Variants in KALRN observed in about 807,000 individuals in gnomAD.
KALRN encodes the protein kalirin.
A neutral mutation model predicts 353.7 loss-of-function variants in KALRN; 70 were observed. The observed-to-expected ratio is 0.20, with a 90% CI of 0.16 to 0.24. The LOEUF is 0.24. Ranked by LOEUF, KALRN falls within the 10% of genes least tolerant of loss-of-function variation. The pLI is 1.00. For synonymous variants in KALRN, 1,391 were observed against 1,434.8 expected (o/e 0.97, Z 0.69); for missense variants, 2,791 against 3,756.7 (o/e 0.74, Z 6.72).
chr3:124,152,562 C>T, intron 1 of KALRN: 3 of 620,334 alleles, frequency 4.8e-6, no homozygotes, highest in Non-Finnish European at 8.4e-6. Context: ...CTTTTCTTTT[C>T]TTTTCTTTTC....
At chr3:124,684,767 G>A (rs2061484849) in intron 51 of KALRN, among the ~76,000 whole-genome samples, 1 of 152,234 alleles carries the variant, frequency 6.6e-6, no homozygotes, top group African/African-American at 2.4e-5. Flanking sequence ...TTCAGGGGGT[G>A]TGGCGGGAAT....
At chr3:124,634,101 G>C (rs912149121) in intron 36 of KALRN, 148 bp downstream of exon 36, 3 of 646,926 alleles carry the variant, frequency 4.6e-6, no homozygotes, top group Non-Finnish European at 8.0e-6. Context: ...GTCTCTATTT[G>C]GTAGGTGTCC....
At position 124,699,864 on chromosome 3, in the gene KALRN, A is replaced by G. The variant is rs1230512238; in HGVS notation, c.7832-5A>G. 1 of 1,614,012 alleles carries G rather than the reference A, an allele frequency of 6.2e-7. No homozygotes were observed. Among genetic ancestry groups the G allele is most frequent in the Non-Finnish European group, 8.5e-7 (1 of 1,179,950 alleles). On this transcript the variant is annotated splice_region_variant and splice_polypyrimidine_tract_variant and intron_variant, in intron 55 of 59. Coordinates refer to ENST00000682506, the MANE Select transcript of KALRN (RefSeq NM_001388419.1). ...CTTTCCCTCTCCTGGGAAACTGTAC[A>G]CTAGGTTCTCAGATCTGGCAGCAGT...
intron 33 of KALRN, among the ~76,000 whole-genome samples, chr3:124,520,727 G>C (rs761173672): frequency 1.1e-4 from 16 of 152,180 alleles, no homozygotes; most frequent in Admixed American, 3.9e-4. Flanking sequence ...TGGCTTAAAG[G>C]CTTCATAAAA....
intron 33 of KALRN, among the ~76,000 whole-genome samples, chr3:124,522,912 A>G (rs1202652704): frequency 2.0e-5 from 3 of 152,232 alleles, no homozygotes; most frequent in Admixed American, 2.0e-4. Context: ...TTCAGAAGCC[A>G]CAGCCAAAGA....
intron 19 of KALRN, among the ~76,000 whole-genome samples, chr3:124,443,944 C>T (rs1221114675): frequency 6.6e-6 from 1 of 152,206 alleles, no homozygotes; most frequent in African/African-American, 2.4e-5. Flanking sequence ...AAGCTTCCAC[C>T]TGAGCAGGGA....
intron 28 of KALRN, among the ~76,000 whole-genome samples, chr3:124,487,291 C>G (rs1421819286): frequency 6.6e-6 from 1 of 152,222 alleles, no homozygotes; most frequent in Non-Finnish European, 1.5e-5. Context: ...CCTCCACCAA[C>G]CAGATACTAT....
rs538556913 is a variant in KALRN, at chr3:124,413,549, C to T, written c.2426C>T (p.Ala809Val). ...NDFNTEDLTLAEQRLQRHTER... is the reference protein window; with the variant it reads ...NDFNTEDLTLVEQRLQRHTER... Reference sequence around the variant, plus strand: ...TTCAACACAGAGGACCTAACCCTGGCAGAACAGCGGCTGCAGCGCCACACA... The same window carrying T: ...TTCAACACAGAGGACCTAACCCTGGTAGAACAGCGGCTGCAGCGCCACACA... Residue 809 changes from alanine to valine, a missense_variant, in exon 14 of 60, where the codon GCA becomes GTA. By Grantham distance (64) the Ala-to-Val change is moderately conservative. Coordinates refer to ENST00000682506, the MANE Select transcript of KALRN (RefSeq NM_001388419.1). The T allele has an allele frequency of 1.7e-5, 27 of 1,614,034 alleles. No individual in the cohort carries two copies. Among genetic ancestry groups the T allele is most frequent in the Non-Finnish European group, 2.3e-5 (27 of 1,180,036 alleles).
At chr3:124,715,168 C>A (rs2063079203) in intron 58 of KALRN, among the ~76,000 whole-genome samples, 1 of 152,154 alleles carries the variant, frequency 6.6e-6, no homozygotes, top group Non-Finnish European at 1.5e-5. Context: ...GAGAAGATTG[C>A]TGTGAGAACA....
intron 1 of KALRN, among the ~76,000 whole-genome samples, chr3:124,187,532 C>T (rs1294765821): frequency 1.3e-5 from 2 of 152,174 alleles, no homozygotes; most frequent in East Asian, 3.9e-4. Context: ...GCCATCTTCA[C>T]CTAAGTTTCT....
chr3:124,152,753 C>T (rs1002045636), intron 1 of KALRN, among the ~76,000 whole-genome samples: 2 of 151,806 alleles, frequency 1.3e-5, no homozygotes, highest in African/African-American at 4.8e-5. Context: ...GCTACTGTGG[C>T]TGGCTAATTT....
chr3:124,565,271 CT>C (rs940593435), intron 34 of KALRN, among the ~76,000 whole-genome samples: 9 of 152,324 alleles, frequency 5.9e-5, no homozygotes, highest in South Asian at 4.1e-4. Context: ...GCTTTCCCCC[CT>C]GTCCTCTGAG....
At chr3:124,597,322 C>T (rs886635929) in intron 34 of KALRN, among the ~76,000 whole-genome samples, 2 of 151,588 alleles carry the variant, frequency 1.3e-5, no homozygotes, top group African/African-American at 2.4e-5. Context: ...AAATGTGAAA[C>T]AGTGATAACA....
intron 21 of KALRN, among the ~76,000 whole-genome samples, chr3:124,449,556 T>A (rs975815590): frequency 6.6e-6 from 1 of 152,218 alleles, no homozygotes; most frequent in Non-Finnish European, 1.5e-5. Flanking sequence ...TAAAACTTTT[T>A]AAAGATTATC....
chr3:124,636,964 C>T, intron 36 of KALRN: 8 of 471,242 alleles, frequency 1.7e-5, no homozygotes, highest in Non-Finnish European at 2.7e-5. Context: ...TCCCCTCCTT[C>T]ATAGGCTTGC....
chr3:124,037,927 G>A (rs572764716), intron 1 of KALRN, among the ~76,000 whole-genome samples: 2 of 152,126 alleles, frequency 1.3e-5, no homozygotes, highest in African/African-American at 2.4e-5. Context: ...GCATGGGGGG[G>A]GCGACTCAGG....
intron 34 of KALRN, among the ~76,000 whole-genome samples, chr3:124,619,861 G>T (rs74715472): frequency 0.055 from 8,373 of 152,114 alleles, 287 homozygotes; most frequent in Middle Eastern, 0.16. Flanking sequence ...TACACTTCCA[G>T]CATCAATGTG....
At chr3:124,338,072 C>G (rs184637382) in intron 9 of KALRN, among the ~76,000 whole-genome samples, 21 of 151,846 alleles carry the variant, frequency 1.4e-4, no homozygotes, top group Admixed American at 1.3e-3. Flanking sequence ...TTTTGTTAAT[C>G]TTTTCGAAAA....
chr3:124,374,026 G>A (rs2149818733), intron 10 of KALRN, among the ~76,000 whole-genome samples: 1 of 152,322 alleles, frequency 6.6e-6, no homozygotes, highest in South Asian at 2.1e-4. Context: ...CTGAATGTCT[G>A]TGTTTCCTCC....
Sources: gnomAD v4.1 joint callset for allele counts (sites outside exome capture counted in the v4.1 genomes callset) on GRCh38, gnomAD v4.1.1 for gene constraint, MANE v1.5 for transcripts, NCBI Gene and HGNC (gene_info 2026-07-23, HGNC 2026-07-21) for gene names.